DSCAM: variants seen among roughly 807,000 people sequenced by gnomAD.
DSCAM encodes the protein cell adhesion molecule DSCAM.
A neutral mutation model predicts 217.7 loss-of-function variants in DSCAM; 47 were observed. The ratio of observed to expected loss-of-function variants is 0.22; its 90% CI spans 0.17 to 0.28. The LOEUF is 0.28. Ranked by LOEUF, DSCAM falls within the 10% of genes least tolerant of loss-of-function variation. The probability of loss-of-function intolerance (pLI) is 1.00; values close to 1 mark genes in which losing one functional copy is unlikely to be tolerated. For synonymous variants in DSCAM, 1,056 were observed against 1,015.3 expected (o/e 1.04, Z -0.76); for missense variants, 2,080 against 2,618.3 (o/e 0.79, Z 4.49).
At chr21:40,661,227 A>G (rs1319692612) in intron 3 of DSCAM, among the ~76,000 whole-genome samples, 2 of 152,234 alleles carry the variant, frequency 1.3e-5, no homozygotes, top group Non-Finnish European at 2.9e-5. Flanking sequence ...TTACAGATTC[A>G]CAAATACGTT....
intron 3 of DSCAM, among the ~76,000 whole-genome samples, chr21:40,531,477 C>A (rs1299134422): frequency 6.6e-6 from 1 of 152,198 alleles, no homozygotes; most frequent in East Asian, 1.9e-4. Context: ...CTCTGCACTG[C>A]AGACTGATGG....
chr21:40,503,297 C>T (rs931855091), intron 3 of DSCAM, among the ~76,000 whole-genome samples: 2 of 152,164 alleles, frequency 1.3e-5, no homozygotes, highest in Non-Finnish European at 2.9e-5. Flanking sequence ...TATTCACTCA[C>T]CGCCTGATAT....
Position 40,296,560 on chromosome 21 carries a change from G to A in DSCAM, c.2063-386C>T, listed in dbSNP as rs184868766. 1.2e-4 allele frequency among the ~76,000 whole-genome samples: 18 copies of A among 152,120 alleles called. 1 individual carries two copies. Among genetic ancestry groups the A allele is most frequent in the Admixed American group, 5.2e-4 (8 of 15,274 alleles). Reference sequence around the variant, plus strand: ...TTAAAGAACAGATCAGGCTGGGCGCGGTGGCTCATGCCTGTAATCCCAACA... The same window carrying A: ...TTAAAGAACAGATCAGGCTGGGCGCAGTGGCTCATGCCTGTAATCCCAACA... On this transcript the variant is annotated intron_variant, in intron 9 of 32. Coordinates refer to ENST00000400454, the MANE Select transcript of DSCAM (RefSeq NM_001389.5).
chr21:40,051,632 T>C (rs2088932901), intron 30 of DSCAM, among the ~76,000 whole-genome samples: 1 of 152,184 alleles, frequency 6.6e-6, no homozygotes, highest in African/African-American at 2.4e-5. Flanking sequence ...CATCGTTCTA[T>C]CCCAATACTG....
chr21:40,827,268 C>T (rs1210779622), intron 1 of DSCAM, among the ~76,000 whole-genome samples: 2 of 151,686 alleles, frequency 1.3e-5, no homozygotes, highest in African/African-American at 4.8e-5. Context: ...GTGGCTCATG[C>T]CTGCAATCTT....
In DSCAM at chr21:40,186,612, G is replaced by A. The variant is rs193233667; in HGVS notation, c.2779+519C>T. On this transcript the variant is annotated intron_variant, in intron 14 of 32. Transcript: ENST00000400454. ...GGTCCTGGGTGCAGCAGCCAGTGTCGCCGATGGTCCCTGAGCATTTCCAGG... is the reference window on the plus strand; with the variant it reads ...GGTCCTGGGTGCAGCAGCCAGTGTCACCGATGGTCCCTGAGCATTTCCAGG... Among the ~76,000 whole-genome samples, 366 of 152,230 alleles carry A rather than the reference G, an allele frequency of 2.4e-3. 6 individuals carry two copies. Among genetic ancestry groups the A allele is most frequent in the Admixed American group, 0.02 (302 of 15,296 alleles).
At chr21:40,015,505 C>A (rs1439647716) in intron 32 of DSCAM, among the ~76,000 whole-genome samples, 1 of 151,736 alleles carries the variant, frequency 6.6e-6, no homozygotes, top group Non-Finnish European at 1.5e-5. Context: ...TCATGGCTCA[C>A]TGTAGCCTCA....
intron 3 of DSCAM, among the ~76,000 whole-genome samples, chr21:40,424,959 A>C (rs932170886): frequency 1.3e-5 from 2 of 151,858 alleles, no homozygotes; most frequent in Non-Finnish European, 2.9e-5. Context: ...TTAGCTGGGC[A>C]TGGGGATGGG....
intron 1 of DSCAM, among the ~76,000 whole-genome samples, chr21:40,731,951 T>G (rs2091017505): frequency 1.3e-5 from 2 of 152,110 alleles, no homozygotes; most frequent in South Asian, 4.1e-4. Context: ...GGTCTCAAAC[T>G]CCTGACCTCA....
At chr21:40,290,162 C>G (rs2073873552) in intron 10 of DSCAM, among the ~76,000 whole-genome samples, 1 of 152,140 alleles carries the variant, frequency 6.6e-6, no homozygotes, top group African/African-American at 2.4e-5. Context: ...GAACCACAAT[C>G]AGAGACCCTG....
intron 3 of DSCAM, among the ~76,000 whole-genome samples, chr21:40,479,151 A>G (rs56366547): frequency 6.6e-6 from 1 of 152,112 alleles, no homozygotes; most frequent in African/African-American, 2.4e-5. Flanking sequence ...GTAATCCTAT[A>G]AATTCTATTA....
intron 16 of DSCAM, among the ~76,000 whole-genome samples, chr21:40,149,777 C>A (rs1401467381): frequency 6.7e-6 from 1 of 149,998 alleles, no homozygotes; most frequent in East Asian, 2.0e-4. Flanking sequence ...ATCCCAACAC[C>A]AACACCACTG....
intron 32 of DSCAM, among the ~76,000 whole-genome samples, chr21:40,020,440 G>A (rs113294038): frequency 0.017 from 2,525 of 152,194 alleles, 64 homozygotes; most frequent in African/African-American, 0.057. Flanking sequence ...GTAAAAACAT[G>A]AAGCAGGGGA....
chr21:40,526,668 A>G (rs1041809545), intron 3 of DSCAM, among the ~76,000 whole-genome samples: 3 of 152,258 alleles, frequency 2.0e-5, no homozygotes, highest in Non-Finnish European at 4.4e-5. Context: ...CAGTTTGAAG[A>G]GAACCATTAG....
chr21:40,620,522 G>A (rs1018719038), intron 3 of DSCAM, among the ~76,000 whole-genome samples: 1 of 134,928 alleles, frequency 7.4e-6, no homozygotes, highest in Admixed American at 7.4e-5. Context: ...AAGGCAAGCA[G>A]GCAGGCAGGC....
chr21:40,600,318 G>T (rs1032622758), intron 3 of DSCAM, among the ~76,000 whole-genome samples: 4 of 152,100 alleles, frequency 2.6e-5, no homozygotes, highest in African/African-American at 9.7e-5. Flanking sequence ...GCTGTCTTGT[G>T]TGGAGCTGCT....
At chr21:40,315,197 G>A (rs933518321) in intron 8 of DSCAM, among the ~76,000 whole-genome samples, 10 of 151,976 alleles carry the variant, frequency 6.6e-5, no homozygotes, top group East Asian at 1.9e-4. Context: ...TCAGGAGTTC[G>A]TGAGCAGCCT....
chr21:40,392,049 T>A (rs1331441741), intron 3 of DSCAM, among the ~76,000 whole-genome samples: 2 of 152,266 alleles, frequency 1.3e-5, no homozygotes, highest in African/African-American at 4.8e-5. Flanking sequence ...CCTTGACCAG[T>A]CTTTTCAAAA....
chr21:40,115,567 T>TAA (rs927250734), intron 20 of DSCAM, among the ~76,000 whole-genome samples: 1 of 150,440 alleles, frequency 6.6e-6, no homozygotes, highest in Non-Finnish European at 1.5e-5. Flanking sequence ...AGTATAATAA[T>TAA]AAAAAAAAAG....
Sources: allele counts gnomAD v4.1 joint callset (sites outside exome capture counted in the v4.1 genomes callset), GRCh38; gene constraint gnomAD v4.1.1; transcripts MANE v1.5; gene names NCBI Gene and HGNC (gene_info 2026-07-23, HGNC 2026-07-21).